The following PGAP1 variants were observed in gnomAD, a reference collection of about 807,000 sequenced individuals.
PGAP1 encodes the protein post-GPI attachment to proteins inositol deacylase 1.
In PGAP1, 76 loss-of-function variants were observed where a neutral mutation model predicts 127.0. The observed-to-expected ratio is 0.60, with a 90% CI of 0.50 to 0.72. PGAP1 has a LOEUF of 0.72. PGAP1 is among the 30% of genes least tolerant of loss of function. The pLI, the probability that PGAP1 is intolerant of heterozygous loss-of-function variation, is 0.00. For synonymous variants in PGAP1, 362 were observed against 366.5 expected, an observed-to-expected ratio of 0.99 and a Z score of 0.14; for missense variants, 982 against 1,071.3, an observed-to-expected ratio of 0.92 and a Z score of 1.16.
intron 21 of PGAP1, 107 bp downstream of exon 21, chr2:196,847,840 A>T: frequency 1.3e-6 from 1 of 789,800 alleles, no homozygotes; most frequent in Non-Finnish European, 1.9e-6. Context: ...TTAATGAAAC[A>T]AGTCAACTGC....
chr2:196,882,259 G>A (rs1358477331), intron 12 of PGAP1, among the ~76,000 whole-genome samples: 3 of 152,186 alleles, frequency 2.0e-5, no homozygotes, highest in Non-Finnish European at 4.4e-5. Context: ...CAGCCCTGCA[G>A]CATAGTTTGA....
chr2:196,912,794 G>C (rs1702874004), intron 4 of PGAP1, 88 bp downstream of exon 4: 1 of 1,249,222 alleles, frequency 8.0e-7, no homozygotes, highest in African/African-American at 1.5e-5. Flanking sequence ...TAAATCTGTA[G>C]CATACTCCTA....
chr2:196,846,616 A>G (rs2125778311), intron 22 of PGAP1, among the ~76,000 whole-genome samples: 1 of 152,276 alleles, frequency 6.6e-6, no homozygotes, highest in Admixed American at 6.5e-5. Context: ...GCTTTTATAT[A>G]TCTCATCTAA....
chr2:196,855,508 C>T (rs1455076778), intron 20 of PGAP1, among the ~76,000 whole-genome samples: 1 of 151,952 alleles, frequency 6.6e-6, no homozygotes, highest in Non-Finnish European at 1.5e-5. Flanking sequence ...GCTCAGGAAA[C>T]TGCTAATCGA....
chr2:196,873,888 A>C, intron 14 of PGAP1, 130 bp from the exon 15 acceptor site: 1 of 585,932 alleles, frequency 1.7e-6, no homozygotes, highest in Non-Finnish European at 3.0e-6. Flanking sequence ...TTCTGTATGG[A>C]GTTAACTCCT....
chr2:196,919,017 C>T (rs1191728402), intron 2 of PGAP1, among the ~76,000 whole-genome samples: 2 of 152,094 alleles, frequency 1.3e-5, no homozygotes, highest in African/African-American at 4.8e-5. Flanking sequence ...TCTCTAGTCA[C>T]GATAGCCTCC....
chr2:196,852,787 T>C (rs1328116449), intron 20 of PGAP1, among the ~76,000 whole-genome samples: 1 of 152,158 alleles, frequency 6.6e-6, no homozygotes, highest in African/African-American at 2.4e-5. Flanking sequence ...ACAACTTATG[T>C]GATCCATTTT....
rs539707372 is a variant in PGAP1 at position 196,839,658 on chromosome 2, A to G, written c.*1576T>C. Reference sequence around the variant, plus strand: ...AGAGATGAGAGCAAGACTCCCTTCAACTGAGGCCAAAATAGCCAGGACCTG... The same window carrying G: ...AGAGATGAGAGCAAGACTCCCTTCAGCTGAGGCCAAAATAGCCAGGACCTG... On this transcript the variant is annotated 3_prime_UTR_variant, in exon 27 of 27. Coordinates refer to ENST00000354764, the MANE Select transcript of PGAP1 (RefSeq NM_024989.4). 3 of 152,390 alleles carry G rather than the reference A, an allele frequency of 2.0e-5. No homozygotes were observed. Among genetic ancestry groups the G allele is most frequent in the South Asian group, 4.1e-4 (2 of 4,826 alleles). 9.4% of individuals were successfully genotyped at this position (152,390 alleles called of 1,614,324 possible).
At chr2:196,925,147 C>T (rs954215789) in intron 1 of PGAP1, among the ~76,000 whole-genome samples, 10 of 152,204 alleles carry the variant, frequency 6.6e-5, no homozygotes, top group African/African-American at 2.4e-5. Flanking sequence ...AATGTTTCCA[C>T]TCTCTTATCA....
chr2:196,883,809 A>G (rs2125810539), intron 12 of PGAP1, among the ~76,000 whole-genome samples: 1 of 152,374 alleles, frequency 6.6e-6, no homozygotes, highest in South Asian at 2.1e-4. Context: ...TGCTGTTTAT[A>G]AATGGCTAAT....
chr2:196,912,786 A>C, intron 4 of PGAP1, 96 bp downstream of exon 4: 2 of 1,169,616 alleles, frequency 1.7e-6, no homozygotes, highest in Non-Finnish European at 2.3e-6. Flanking sequence ...TACATGGATA[A>C]ATCTGTAGCA....
intron 20 of PGAP1, among the ~76,000 whole-genome samples, chr2:196,849,896 G>T (rs890694711): frequency 6.6e-6 from 1 of 152,106 alleles, no homozygotes; most frequent in Non-Finnish European, 1.5e-5. Context: ...TTTGTCCATT[G>T]TACTACAGTT....
intron 7 of PGAP1, among the ~76,000 whole-genome samples, chr2:196,896,828 T>TAAAAAA (rs566717804): frequency 8.4e-4 from 76 of 90,600 alleles, no homozygotes; most frequent in African/African-American, 2.5e-3. Flanking sequence ...GACTCCATCT[T>TAAAAAA]AAAAAAAAAA....
At chr2:196,846,971 A>G (rs952339426) in intron 22 of PGAP1, 32 bp downstream of exon 22, 1 of 1,518,636 alleles carries the variant, frequency 6.6e-7, no homozygotes, top group East Asian at 2.3e-5. Flanking sequence ...TTCTTAAAGC[A>G]ATAAGAAAGC....
At chr2:196,896,034 T>C (rs1702256688) in intron 7 of PGAP1, among the ~76,000 whole-genome samples, 1 of 152,082 alleles carries the variant, frequency 6.6e-6, no homozygotes, top group Non-Finnish European at 1.5e-5. Flanking sequence ...GTTCCCAACT[T>C]ACAGAAAAAA....
chr2:196,849,705 T>A (rs1374069220), intron 20 of PGAP1, among the ~76,000 whole-genome samples: 1 of 152,194 alleles, frequency 6.6e-6, no homozygotes, highest in Non-Finnish European at 1.5e-5. Flanking sequence ...TAAAAGTAAC[T>A]GAAGGGCACT....
In PGAP1 at chr2:196,836,524, T is replaced by C. The variant is rs986829295; in HGVS notation, c.*4710A>G. 1.3e-5 allele frequency: 2 copies of C among 152,188 alleles called. No homozygotes were observed. The highest frequency in any genetic ancestry group is 3.8e-4 in the East Asian group (2 of 5,198). 9.4% of individuals were successfully genotyped at this position (152,188 alleles called of 1,614,324 possible). A position where few individuals can be genotyped will look rare whatever the true frequency, so the allele number is the denominator to read the frequency against. ...GCATTTGCAGTATACATATTTGGAT[T>C]TGGATTACTGACCTGACTTTTCTTT... On this transcript the variant is annotated 3_prime_UTR_variant, in exon 27 of 27. Transcript: ENST00000354764.
intron 12 of PGAP1, among the ~76,000 whole-genome samples, chr2:196,881,807 C>G (rs535131545): frequency 7.2e-5 from 11 of 152,160 alleles, no homozygotes; most frequent in Admixed American, 7.2e-4. Context: ...TTCTCCCATT[C>G]TGTAGGTTGT....
intron 1 of PGAP1, chr2:196,922,158 C>T (rs1576208802): frequency 7.7e-7 from 1 of 1,297,210 alleles, no homozygotes; most frequent in South Asian, 1.3e-5. Context: ...CCTTCCTTGA[C>T]TCTGCCTTAG....
Sources: gnomAD v4.1 joint callset for allele counts (sites outside exome capture counted in the v4.1 genomes callset) on GRCh38, gnomAD v4.1.1 for gene constraint, MANE v1.5 for transcripts, NCBI Gene and HGNC (gene_info 2026-07-23, HGNC 2026-07-21) for gene names.